CHST9: variants seen among roughly 807,000 people sequenced by gnomAD.
CHST9 encodes carbohydrate sulfotransferase 9, also known as GalNAc-4-sulfotransferase 2.
A neutral mutation model predicts 44.4 loss-of-function variants in CHST9; 41 were observed. The ratio of observed to expected loss-of-function variants is 0.92; its 90% CI spans 0.72 to 1.20. The LOEUF is 1.20. CHST9 is among the 50% of genes most tolerant of loss of function. CHST9 has a pLI of 0.00. For synonymous variants in CHST9, 171 were observed against 178.4 expected, an observed-to-expected ratio of 0.96 and a Z score of 0.33; for missense variants, 504 against 516.5, an observed-to-expected ratio of 0.98 and a Z score of 0.23.
At chr18:27,001,930 A>T (rs761963302) in intron 4 of CHST9, among the ~76,000 whole-genome samples, 114 of 152,304 alleles carry the variant, frequency 7.5e-4, no homozygotes, top group Admixed American at 1.9e-3. Context: ...TTATGAGATA[A>T]CAACCTAACC....
chr18:26,984,256 T>C (rs2056727508), intron 4 of CHST9, among the ~76,000 whole-genome samples: 1 of 152,222 alleles, frequency 6.6e-6, no homozygotes, highest in Non-Finnish European at 1.5e-5. Context: ...GCCTGAAGCA[T>C]AATCAATGCT....
intron 4 of CHST9, among the ~76,000 whole-genome samples, chr18:26,991,015 G>T (rs929230456): frequency 6.6e-6 from 1 of 152,208 alleles, no homozygotes; most frequent in African/African-American, 2.4e-5. Context: ...GCAGCATGGG[G>T]ATAGGGATTT....
intron 2 of CHST9, among the ~76,000 whole-genome samples, chr18:27,057,594 C>T (rs1020929941): frequency 2.6e-5 from 4 of 152,192 alleles, no homozygotes; most frequent in Non-Finnish European, 4.4e-5. Flanking sequence ...GCAAAGAGAG[C>T]CATTATGAGC....
At chr18:27,084,135 G>T (rs1274913629) in intron 2 of CHST9, among the ~76,000 whole-genome samples, 1 of 149,692 alleles carries the variant, frequency 6.7e-6, no homozygotes, top group Non-Finnish European at 1.5e-5. Context: ...GCCAGATTTT[G>T]GTATCAGAAT....
intron 1 of CHST9, among the ~76,000 whole-genome samples, chr18:27,168,169 G>A (rs1319850516): frequency 6.6e-6 from 1 of 150,844 alleles, no homozygotes; most frequent in Non-Finnish European, 1.5e-5. Context: ...CCGCCTCCCG[G>A]GTTCATGCCA....
chr18:27,101,020 G>C (rs1328707059), intron 2 of CHST9, among the ~76,000 whole-genome samples: 1 of 152,192 alleles, frequency 6.6e-6, no homozygotes, highest in African/African-American at 2.4e-5. Context: ...TCCTTTTTAA[G>C]GAATAGTTTG....
chr18:27,179,078 GTCTCTC>G (rs34391433), intron 1 of CHST9, among the ~76,000 whole-genome samples: 43,916 of 149,942 alleles, frequency 0.29, 6,897 homozygotes, highest in Non-Finnish European at 0.36. Flanking sequence ...GTGTGATAAT[GTCTCTC>G]TCTCTCTCTC....
chr18:26,974,904 A>G (rs1467530599), intron 4 of CHST9, among the ~76,000 whole-genome samples: 1 of 152,066 alleles, frequency 6.6e-6, no homozygotes, highest in Non-Finnish European at 1.5e-5. Flanking sequence ...TTGAACTCTG[A>G]CCTCAAATGA....
chr18:26,974,956 T>C (rs2056599207), intron 4 of CHST9, among the ~76,000 whole-genome samples: 1 of 152,224 alleles, frequency 6.6e-6, no homozygotes, highest in Non-Finnish European at 1.5e-5. Flanking sequence ...ATTACAGGCA[T>C]GAGCCACTGC....
At chr18:27,035,257 G>A (rs1038271448) in intron 3 of CHST9, among the ~76,000 whole-genome samples, 11 of 152,056 alleles carry the variant, frequency 7.2e-5, no homozygotes, top group South Asian at 2.1e-4. Context: ...GATGATTAGT[G>A]GTGTTGAATA....
At chr18:27,169,487 T>C (rs2058817146) in intron 1 of CHST9, among the ~76,000 whole-genome samples, 2 of 152,096 alleles carry the variant, frequency 1.3e-5, no homozygotes, top group East Asian at 1.9e-4. Context: ...TGATAGAACA[T>C]TCAGACAAAA....
At chr18:27,023,226 T>C (rs879272839) in intron 4 of CHST9, among the ~76,000 whole-genome samples, 6 of 152,196 alleles carry the variant, frequency 3.9e-5, no homozygotes, top group Admixed American at 6.5e-5. Flanking sequence ...CATACTACTG[T>C]CATCTAGGTG....
chr18:27,137,513 AAGAGAGGCAG>A (rs981696379), intron 2 of CHST9, among the ~76,000 whole-genome samples: 1 of 152,014 alleles, frequency 6.6e-6, no homozygotes, highest in Non-Finnish European at 1.5e-5. Context: ...TTAGCAGAGG[AAGAGAGGCAG>A]CTCCAGAAGC....
intron 2 of CHST9, among the ~76,000 whole-genome samples, chr18:27,078,210 A>G (rs759440666): frequency 7.9e-5 from 12 of 152,168 alleles, no homozygotes; most frequent in Non-Finnish European, 1.2e-4. Context: ...TAAGAGAGAA[A>G]CAGGGTAACA....
At chr18:27,071,107 C>T (rs2057834780) in intron 2 of CHST9, among the ~76,000 whole-genome samples, 1 of 152,172 alleles carries the variant, frequency 6.6e-6, no homozygotes. Context: ...TCCTTCCACC[C>T]TGGTGGCCTC....
At chr18:27,079,866 T>C (rs2057943569) in intron 2 of CHST9, among the ~76,000 whole-genome samples, 1 of 152,200 alleles carries the variant, frequency 6.6e-6, no homozygotes, top group Admixed American at 6.5e-5. Flanking sequence ...CTCTCACTTG[T>C]GCTTTTCATT....
At chr18:27,096,980 A>G (rs1013489587) in intron 2 of CHST9, among the ~76,000 whole-genome samples, 2 of 152,064 alleles carry the variant, frequency 1.3e-5, no homozygotes, top group African/African-American at 4.8e-5. Context: ...TGAAAAAAGA[A>G]AACTACAGGC....
intron 5 of CHST9, among the ~76,000 whole-genome samples, chr18:26,937,045 T>TGAG (rs1303178943): frequency 2.6e-5 from 4 of 152,128 alleles, no homozygotes; most frequent in African/African-American, 9.7e-5. Context: ...AAGAAAACAT[T>TGAG]TTATAGTGAG....
intron 5 of CHST9, among the ~76,000 whole-genome samples, chr18:26,943,827 A>G (rs147773152): frequency 9.6e-4 from 146 of 152,332 alleles, no homozygotes; most frequent in African/African-American, 3.2e-3. Flanking sequence ...CATGATGCAG[A>G]CAGGAAGATG....
Sources: allele counts gnomAD v4.1 joint callset (sites outside exome capture counted in the v4.1 genomes callset), GRCh38; gene constraint gnomAD v4.1.1; transcripts MANE v1.5; gene names NCBI Gene and HGNC (gene_info 2026-07-23, HGNC 2026-07-21).